AGMO: variants seen among roughly 807,000 people sequenced by gnomAD.
AGMO encodes the protein alkylglycerol monooxygenase.
AGMO carries 75 observed loss-of-function variants against 60.2 expected under a neutral mutation model. The ratio of observed to expected loss-of-function variants is 1.25; its 90% CI spans 1.03 to 1.51. The LOEUF (loss-of-function observed/expected upper bound fraction) is 1.51. Ranked by LOEUF, AGMO falls within the 40% of genes most tolerant of loss-of-function variation. AGMO has a pLI of 0.00. For missense variants in AGMO, 763 were observed against 525.5 expected (o/e 1.45, Z -4.42); for synonymous variants, 261 against 177.1 (o/e 1.47, Z -3.76).
chr7:15,354,233 T>C (rs1215927701), intron 12 of AGMO, among the ~76,000 whole-genome samples: 1 of 149,280 alleles, frequency 6.7e-6, no homozygotes, highest in Non-Finnish European at 1.5e-5. Context: ...TTATTTTCTA[T>C]GTACCATTAC....
At chr7:15,411,494 T>TACA (rs1780603928) in intron 5 of AGMO, among the ~76,000 whole-genome samples, 2 of 152,004 alleles carry the variant, frequency 1.3e-5, no homozygotes, top group Non-Finnish European at 2.9e-5. Flanking sequence ...AATGAAATGA[T>TACA]TTACTTATTT....
chr7:15,380,495 T>A (rs1030884925), intron 10 of AGMO, among the ~76,000 whole-genome samples: 2 of 152,158 alleles, frequency 1.3e-5, no homozygotes, highest in Admixed American at 6.5e-5. Flanking sequence ...AAAACACTAC[T>A]CAAAGAAATC....
chr7:15,558,429 G>A (rs975456917), intron 2 of AGMO, among the ~76,000 whole-genome samples: 23 of 152,060 alleles, frequency 1.5e-4, no homozygotes, highest in African/African-American at 5.5e-4. Context: ...TTCTGAGAAT[G>A]AGCTAAATTA....
At chr7:15,402,549 G>A (rs1784578157) in intron 5 of AGMO, among the ~76,000 whole-genome samples, 1 of 148,176 alleles carries the variant, frequency 6.7e-6, no homozygotes, top group African/African-American at 2.5e-5. Context: ...AACCTGAAGG[G>A]CACAAATCTT....
intron 3 of AGMO, among the ~76,000 whole-genome samples, chr7:15,448,844 G>A (rs10260727): frequency 0.8 from 122,055 of 152,084 alleles, 50,011 homozygotes; most frequent in African/African-American, 0.88. Flanking sequence ...AAATTAAAAT[G>A]TGTAGAGATC....
chr7:15,233,233 G>T (rs572472872), intron 12 of AGMO, among the ~76,000 whole-genome samples: 1 of 152,284 alleles, frequency 6.6e-6, no homozygotes, highest in Non-Finnish European at 1.5e-5. Context: ...CTGTTAAGAA[G>T]ATTTATGAAA....
chr7:15,337,126 G>A (rs538905988), intron 12 of AGMO, among the ~76,000 whole-genome samples: 39 of 152,236 alleles, frequency 2.6e-4, no homozygotes, highest in Non-Finnish European at 4.6e-4. Context: ...CGTGGGATAA[G>A]GAGCAAGGAC....
At chr7:15,355,298 C>T (rs916250113) in intron 12 of AGMO, among the ~76,000 whole-genome samples, 1 of 151,822 alleles carries the variant, frequency 6.6e-6, no homozygotes, top group Admixed American at 6.6e-5. Flanking sequence ...GTCAGGAGAT[C>T]GAGACCATCC....
Position 15,544,817 on chromosome 7 carries a change from A to G in AGMO, c.364T>C (p.Leu122=). The change falls in exon 3 of 13, where the codon TTA becomes CTA. Residue 122 remains leucine, a synonymous_variant. Coordinates refer to ENST00000342526, the MANE Select transcript of AGMO (RefSeq NM_001004320.2). ...DSPWTWYSAF[L]GVDFGYYWFH... ...CAGTAGTAGCCAAAGTCAACTCCTA[A>G]GAAGGCTGAATACCAAGTCCATGGA... is the stretch of plus-strand genomic sequence containing the variant. The G allele has an allele frequency of 6.2e-7, 1 of 1,610,004 alleles. No homozygotes were observed. The highest frequency in any genetic ancestry group is 8.5e-7 in the Non-Finnish European group (1 of 1,177,942).
intron 3 of AGMO, among the ~76,000 whole-genome samples, chr7:15,525,351 T>C (rs940322828): frequency 4.6e-5 from 7 of 152,128 alleles, no homozygotes; most frequent in African/African-American, 1.4e-4. Context: ...CCATTTGGTA[T>C]GACTTCCTCT....
At chr7:15,431,778 G>A (rs866895922) in intron 3 of AGMO, among the ~76,000 whole-genome samples, 10 of 151,702 alleles carry the variant, frequency 6.6e-5, no homozygotes, top group Non-Finnish European at 1.3e-4. Context: ...TCATAAAAAA[G>A]GAAAATGATT....
chr7:15,384,817 C>CTTTTTT (rs71953359), intron 10 of AGMO, among the ~76,000 whole-genome samples: 8 of 121,306 alleles, frequency 6.6e-5, no homozygotes, highest in African/African-American at 1.9e-4. Flanking sequence ...CTGTTTTTCT[C>CTTTTTT]TTTTTTTTTT....
At chr7:15,467,609 C>T (rs2061839658) in intron 3 of AGMO, among the ~76,000 whole-genome samples, 1 of 152,074 alleles carries the variant, frequency 6.6e-6, no homozygotes, top group Admixed American at 6.6e-5. Context: ...TATTTACACC[C>T]CAACACTGTT....
At chr7:15,310,564 T>C (rs1780741556) in intron 12 of AGMO, among the ~76,000 whole-genome samples, 2 of 152,152 alleles carry the variant, frequency 1.3e-5, no homozygotes, top group Non-Finnish European at 2.9e-5. Context: ...TAAGTAATAA[T>C]GTGTCTAATT....
At chr7:15,159,056 A>G in the AGMO span, among the ~76,000 whole-genome samples, 1 of 152,054 alleles carries the variant, frequency 6.6e-6, no homozygotes, top group Non-Finnish European at 1.5e-5. Context: ...ATAATATATC[A>G]AGAAACAAGA....
chr7:15,344,500 G>A (rs1293891026), intron 12 of AGMO, among the ~76,000 whole-genome samples: 1 of 152,152 alleles, frequency 6.6e-6, no homozygotes, highest in South Asian at 2.1e-4. Context: ...AGGAGTTCAA[G>A]ATAAGCCTGG....
At chr7:15,142,374 T>C in the AGMO span, among the ~76,000 whole-genome samples, 8 of 152,100 alleles carry the variant, frequency 5.3e-5, no homozygotes, top group Middle Eastern at 3.2e-3. Flanking sequence ...ATAACAGTCA[T>C]AGCTATAAAC....
intron 2 of AGMO, among the ~76,000 whole-genome samples, chr7:15,550,218 A>G (rs1784909001): frequency 6.6e-6 from 1 of 150,912 alleles, no homozygotes; most frequent in Non-Finnish European, 1.5e-5. Flanking sequence ...AAAGCAGGAA[A>G]GATCCAAAAT....
chr7:15,286,430 C>A (rs898223190), intron 12 of AGMO, among the ~76,000 whole-genome samples: 4 of 152,020 alleles, frequency 2.6e-5, no homozygotes, highest in African/African-American at 7.2e-5. Flanking sequence ...ATAGACATTT[C>A]TCAAAAGAAG....
Sources: allele counts gnomAD v4.1 joint callset (sites outside exome capture counted in the v4.1 genomes callset), GRCh38; gene constraint gnomAD v4.1.1; transcripts MANE v1.5; gene names NCBI Gene and HGNC (gene_info 2026-07-23, HGNC 2026-07-21).